Variants in SSX1 observed in about 807,000 individuals in gnomAD.
SSX1 encodes protein SSX1.
SSX1 carries 58 observed loss-of-function variants against 14.6 expected under a neutral mutation model. The ratio of observed to expected loss-of-function variants is 3.96; its 90% confidence interval spans 3.21 to 4.93. SSX1 has a LOEUF of 4.93. Ranked by LOEUF, SSX1 falls within the 30% of genes most tolerant of loss-of-function variation. SSX1 has a pLI of 0.00. For synonymous variants in SSX1, 46 were observed against 52.1 expected, an observed-to-expected ratio of 0.88 and a Z score of 0.50; for missense variants, 272 against 143.1, an observed-to-expected ratio of 1.90 and a Z score of -4.60.
intron 5 of SSX1, among the ~76,000 whole-genome samples, chrX:48,262,653 G>A (rs1344693783): frequency 1.8e-5 from 2 of 111,458 alleles, no homozygotes; most frequent in Non-Finnish European, 3.8e-5. Context: ...ATTCAGCTCT[G>A]GTTTAGAAGG....
chrX:48,266,355 G>A lies in SSX1; in HGVS notation c.535G>A (p.Glu179Lys), dbSNP rs148148537. The A allele has an allele frequency of 1.0e-4, 122 of 1,208,300 alleles. No homozygotes were observed. Among genetic ancestry groups the A allele is most frequent in the Non-Finnish European group, 9.8e-5 (88 of 895,094 alleles). ...RERKQLVIYE[E>K]ISDPEEDDE ...GAGAAAGCAGCTGGTGATTTATGAA[G>A]AGATCAGTGACCCTGAGGAAGATGA... The change falls in exon 7 of 8, where the codon GAG (glutamate) becomes AAG (lysine). Residue 179 changes from glutamate (E) to lysine (K), a missense_variant. Coordinates refer to ENST00000376919, the MANE Select transcript of SSX1 (RefSeq NM_005635.4).
rs1205933109 is a variant in SSX1 at position 48,267,351 on chromosome X, GC to G, written c.*508del. 1.6e-5 allele frequency: 3 copies of G among 187,425 alleles called. No homozygotes were observed. In the East Asian group the frequency reaches 2.6e-4, roughly 16 times the overall value. The allele number at this position is 187,425 out of a possible 1,213,427, so 15.4% of individuals were successfully genotyped here. A position where few individuals can be genotyped will look rare whatever the true frequency, so the allele number is the denominator to read the frequency against. ...TCCCATTGCCATGCGTCCTGGTCAA[GC>G]CCCCCTCACTCTGTTTCCTGTTCAG... is the stretch of plus-strand genomic sequence containing the variant. On this transcript the variant is annotated 3_prime_UTR_variant, in exon 8 of 8. Transcript: ENST00000376919.
chrX:48,261,862 A>C (rs782177641), intron 5 of SSX1, 47 bp downstream of exon 5: 18 of 1,183,582 alleles, frequency 1.5e-5, no homozygotes, highest in Non-Finnish European at 1.6e-5. Context: ...TTTTCCTTTC[A>C]TGGATGTGAA....
In SSX1 at chrX:48,263,763, T is replaced by C. The variant is rs1373219965; in HGVS notation, c.331-19T>C. 5 of 1,210,695 alleles carry C rather than the reference T, an allele frequency of 4.1e-6. No individual in the cohort carries two copies. The highest frequency in any genetic ancestry group is 5.6e-6 in the Non-Finnish European group (5 of 894,819). ...AAATGTCACTGATACTGTTTATCTG[T>C]AACCTTCACATTATAAAGATCATGC... On this transcript the variant is annotated intron_variant, in intron 5 of 7. Coordinates refer to ENST00000376919, the MANE Select transcript of SSX1 (RefSeq NM_005635.4).
intron 2 of SSX1, 85 bp downstream of exon 2, chrX:48,257,395 C>G: frequency 8.5e-7 from 1 of 1,179,698 alleles, no homozygotes; most frequent in Non-Finnish European, 1.1e-6. Flanking sequence ...GACAGAGGTA[C>G]TGGGGACAAG....
intron 4 of SSX1, among the ~76,000 whole-genome samples, chrX:48,261,220 T>TA (rs2059602664): frequency 8.9e-6 from 1 of 111,997 alleles, no homozygotes; most frequent in African/African-American, 3.2e-5. Context: ...ACTCCCCAGC[T>TA]AAACAGGCCA....
intron 1 of SSX1, among the ~76,000 whole-genome samples, chrX:48,256,866 G>C (rs1315795942): frequency 9.2e-6 from 1 of 109,182 alleles, no homozygotes; most frequent in Non-Finnish European, 1.9e-5. Flanking sequence ...GTGTCAGAAC[G>C]CCCCCATTCA....
intron 4 of SSX1, among the ~76,000 whole-genome samples, chrX:48,260,128 T>C (rs1370153794): frequency 1.0e-5 from 1 of 98,263 alleles, no homozygotes. Flanking sequence ...TTCCTGACTT[T>C]TTAATGATTG....
intron 6 of SSX1, among the ~76,000 whole-genome samples, chrX:48,264,387 G>A (rs1378551509): frequency 2.7e-5 from 3 of 112,179 alleles, no homozygotes; most frequent in Non-Finnish European, 3.8e-5. Flanking sequence ...ATTGTTTTTC[G>A]TTTGTTTCGC....
At position 48,267,256 on chromosome X, in the gene SSX1, TACACAC is replaced by T. The variant is rs372281308; in HGVS notation, c.*424_*429del. The stretch of plus-strand genomic sequence containing the variant: ...AATTTCAGACTTTTTCCTCTGCATT[TACACAC>T]ACACACACACACACACGCACACACA... On this transcript the variant is annotated 3_prime_UTR_variant, in exon 8 of 8. Coordinates refer to ENST00000376919, the MANE Select transcript of SSX1 (RefSeq NM_005635.4). 25 of 209,304 alleles carry T rather than the reference TACACAC, an allele frequency of 1.2e-4. No individual in the cohort carries two copies. The highest frequency in any genetic ancestry group is 8.2e-4 in the African/African-American group (23 of 28,047). The allele number at this position is 209,304 out of a possible 1,213,427, so 17.2% of individuals were successfully genotyped here.
At position 48,255,425 on chromosome X, in the gene SSX1, T is replaced by C. The variant is rs1408791685; in HGVS notation, c.-28T>C. 3.6e-5 allele frequency: 4 copies of C among 110,868 alleles called. No individual in the cohort carries two copies. The highest frequency in any genetic ancestry group is 1.3e-4 in the African/African-American group (4 of 30,456). 9.1% of individuals were successfully genotyped at this position (110,868 alleles called of 1,213,427 possible). ...TGCCGACCTCGCAACCACTGCTTTG[T>C]CTCTGAAGTAGGTTCTCTTTAAGGG... On this transcript the variant is annotated 5_prime_UTR_variant, in exon 1 of 8. Coordinates refer to ENST00000376919, the MANE Select transcript of SSX1 (RefSeq NM_005635.4).
chrX:48,256,689 A>C (rs1293544262), intron 1 of SSX1, among the ~76,000 whole-genome samples: 1 of 109,013 alleles, frequency 9.2e-6, no homozygotes, highest in Non-Finnish European at 1.9e-5. Context: ...TCCTTCTAAT[A>C]ATTTACAAAT....
At chrX:48,256,817 T>A (rs1480507092) in intron 1 of SSX1, among the ~76,000 whole-genome samples, 1 of 110,112 alleles carries the variant, frequency 9.1e-6, no homozygotes, top group Non-Finnish European at 1.9e-5. Context: ...CCACGTTATG[T>A]CTGGGACTCA....
In SSX1 at chrX:48,258,609, T is replaced by C. The variant is rs2059592803; in HGVS notation, c.258T>C (p.Asn86=). Residue 86 remains asparagine (N), a synonymous_variant, in exon 4 of 8, where the codon AAT becomes AAC. Coordinates refer to ENST00000376919, the MANE Select transcript of SSX1 (RefSeq NM_005635.4). ...ACTTCCAGGGGAATGATTTTGATAA[T>C]GACCATAACCGCAGGATTCAGGGTG... is the stretch of plus-strand genomic sequence containing the variant. ...ATDFQGNDFD[N]DHNRRIQVEH... is the part of the protein sequence containing the mutation. The C allele has an allele frequency of 8.3e-7, 1 of 1,204,482 alleles. No homozygotes were observed. Among genetic ancestry groups the C allele is most frequent in the African/African-American group, 1.8e-5 (1 of 56,779 alleles).
At chrX:48,265,709 G>A (rs1485267766) in intron 6 of SSX1, among the ~76,000 whole-genome samples, 1 of 111,651 alleles carries the variant, frequency 9.0e-6, no homozygotes, top group East Asian at 2.8e-4. Flanking sequence ...TATTTTCCAT[G>A]ATGTGATTAT....
Position 48,266,373 on chromosome X carries a change from G to A in SSX1, c.553G>A (p.Glu185Lys), listed in dbSNP as rs1432500738. Residue 185 changes from glutamate to lysine, a missense_variant, in exon 7 of 8, where the codon GAA (glutamate) becomes AAA (lysine). Transcript: ENST00000376919. The stretch of plus-strand genomic sequence containing the variant: ...TTATGAAGAGATCAGTGACCCTGAG[G>A]AAGATGACGAGTAACTCCGTAAGTG... ...VIYEEISDPE[E>K]DDE 15 of 1,208,486 alleles carry A rather than the reference G, an allele frequency of 1.2e-5. No homozygotes were observed. The highest frequency in any genetic ancestry group is 3.5e-5 in the African/African-American group (2 of 57,158).
intron 3 of SSX1, among the ~76,000 whole-genome samples, 175 bp downstream of exon 3, chrX:48,258,035 G>A (rs1556934776): frequency 3.7e-5 from 4 of 109,509 alleles, no homozygotes; most frequent in African/African-American, 1.3e-4. Flanking sequence ...GCTGAGGGCA[G>A]GGACTGGCCA....
At position 48,255,660 on chromosome X, in the gene SSX1, G is replaced by C. The variant is rs6609679; in HGVS notation, c.-21+228G>C. On this transcript the variant is annotated intron_variant, in intron 1 of 7. Coordinates refer to ENST00000376919, the MANE Select transcript of SSX1 (RefSeq NM_005635.4). ...TTTTTTTTTTTTTTTTAGTAGAGAC[G>C]GGGATTTGTTATGTTGACCAGGCTG... Among the ~76,000 whole-genome samples the C allele has an allele frequency of 7.8e-5, 8 of 101,961 alleles. No homozygotes were observed. In the East Asian group the frequency reaches 2.5e-3, roughly 32 times the overall value. The allele number at this position is 101,961 out of a possible 115,157, so 88.5% of individuals were successfully genotyped here.
rs73499225 is a variant in SSX1, at chrX:48,263,819, C to A, written c.368C>A (p.Ser123Ter). Reference sequence around the variant, plus strand: ...AAGCCAGCAGAGGACGAAAATGATTCGAAGGGAGTGTCAGAAGCATCTGGC... The same window carrying A: ...AAGCCAGCAGAGGACGAAAATGATTAGAAGGGAGTGTCAGAAGCATCTGGC... ...PKKPAEDEND[S>*]KGVSEASGPQ... Residue 123 changes from serine (S) to a stop codon, truncating the protein, a stop_gained, in exon 6 of 8, where the codon TCG becomes TAG. Coordinates refer to ENST00000376919, the MANE Select transcript of SSX1 (RefSeq NM_005635.4). LOFTEE classifies it high-confidence loss of function. 5 of 1,211,134 alleles carry A rather than the reference C, an allele frequency of 4.1e-6. No homozygotes were observed. The highest frequency in any genetic ancestry group is 1.8e-5 in the South Asian group (1 of 56,961).
Sources: gnomAD v4.1 joint callset for allele counts (sites outside exome capture counted in the v4.1 genomes callset) on GRCh38, gnomAD v4.1.1 for gene constraint, MANE v1.5 for transcripts, NCBI Gene and HGNC (gene_info 2026-07-23, HGNC 2026-07-21) for gene names.